SCHIP1: variants seen among roughly 807,000 people sequenced by gnomAD.
SCHIP1 encodes schwannomin interacting protein 1.
In SCHIP1, 8 loss-of-function variants were observed where a neutral mutation model predicts 29.7. The observed-to-expected ratio is 0.27, with a 90% CI of 0.16 to 0.49. The LOEUF is 0.49. Ranked by LOEUF, SCHIP1 falls within the 20% of genes least tolerant of loss-of-function variation. The probability of loss-of-function intolerance (pLI) is 0.99; values close to 1 mark genes in which losing one functional copy is unlikely to be tolerated. For missense variants in SCHIP1, 193 were observed against 294.6 expected, an observed-to-expected ratio of 0.66 and a Z score of 2.52; for synonymous variants, 76 against 94.9, an observed-to-expected ratio of 0.80 and a Z score of 1.16.
At chr3:159,772,269 G>A in the SCHIP1 span, among the ~76,000 whole-genome samples, 1 of 152,138 alleles carries the variant, frequency 6.6e-6, no homozygotes, top group Admixed American at 6.5e-5. Flanking sequence ...TCATGCCTCA[G>A]CCTCCGGAGT....
chr3:159,735,730 T>C, the SCHIP1 span, among the ~76,000 whole-genome samples: 2 of 152,252 alleles, frequency 1.3e-5, no homozygotes, highest in African/African-American at 4.8e-5. Flanking sequence ...AACAGAAATA[T>C]TCCACTGGAA....
At chr3:159,857,794 A>G (rs1444079954) in intron 1 of SCHIP1, among the ~76,000 whole-genome samples, 1 of 152,078 alleles carries the variant, frequency 6.6e-6, no homozygotes, top group Admixed American at 6.5e-5. Context: ...AGCACTTTCT[A>G]TATAGTATTT....
the SCHIP1 span, among the ~76,000 whole-genome samples, chr3:159,488,972 GTCTT>G: frequency 6.6e-6 from 1 of 152,114 alleles, no homozygotes; most frequent in Non-Finnish European, 1.5e-5. Flanking sequence ...TTTCTCTAGG[GTCTT>G]TTTTTAGTAC....
chr3:159,473,674 G>GAAAAACAAAA, the SCHIP1 span, among the ~76,000 whole-genome samples: 1 of 81,446 alleles, frequency 1.2e-5, no homozygotes, highest in Non-Finnish European at 2.4e-5. Flanking sequence ...ATGTAACTAC[G>GAAAAACAAAA]AAAAAAAAAA....
the SCHIP1 span, among the ~76,000 whole-genome samples, chr3:159,426,706 C>A: frequency 6.6e-6 from 1 of 152,142 alleles, no homozygotes; most frequent in Non-Finnish European, 1.5e-5. Flanking sequence ...CATCCTGATA[C>A]CAAAGCTGGG....
At chr3:159,423,138 C>T in the SCHIP1 span, among the ~76,000 whole-genome samples, 2,757 of 152,264 alleles carry the variant, frequency 0.018, 65 homozygotes, top group African/African-American at 0.059. Context: ...AGGCAGAAGA[C>T]GGGTGATTTC....
the SCHIP1 span, among the ~76,000 whole-genome samples, chr3:159,307,172 A>T: frequency 6.6e-6 from 1 of 152,236 alleles, no homozygotes; most frequent in Non-Finnish European, 1.5e-5. Flanking sequence ...ATTTACCAAG[A>T]TGAAAAAATT....
chr3:159,756,118 G>A, the SCHIP1 span, among the ~76,000 whole-genome samples: 622 of 152,362 alleles, frequency 4.1e-3, 5 homozygotes, highest in African/African-American at 0.014. Flanking sequence ...CTACTAGACA[G>A]TACCTCAGTA....
At chr3:159,446,386 A>G in the SCHIP1 span, among the ~76,000 whole-genome samples, 2 of 152,058 alleles carry the variant, frequency 1.3e-5, no homozygotes, top group African/African-American at 4.8e-5. Context: ...TTACAACAAT[A>G]CAATATTGTT....
the SCHIP1 span, among the ~76,000 whole-genome samples, chr3:159,795,140 C>T: frequency 1.3e-5 from 2 of 152,182 alleles, no homozygotes; most frequent in South Asian, 4.1e-4. Context: ...CCTTAGCCCT[C>T]CCTGTTTCTG....
chr3:159,660,306 A>T, the SCHIP1 span, among the ~76,000 whole-genome samples: 1 of 152,172 alleles, frequency 6.6e-6, no homozygotes, highest in East Asian at 1.9e-4. Flanking sequence ...ATAAAAGCCA[A>T]TAGAGCTACC....
the SCHIP1 span, among the ~76,000 whole-genome samples, chr3:159,382,569 G>A: frequency 4.6e-5 from 7 of 152,210 alleles, no homozygotes; most frequent in East Asian, 1.9e-4. Flanking sequence ...ATAAACATAC[G>A]TGTGCATGTG....
the SCHIP1 span, among the ~76,000 whole-genome samples, chr3:159,489,113 G>GA: frequency 6.6e-6 from 1 of 152,180 alleles, no homozygotes; most frequent in Non-Finnish European, 1.5e-5. Flanking sequence ...TAAGTGATAA[G>GA]AAAGTCCTTT....
At chr3:159,277,228 A>G in the SCHIP1 span, among the ~76,000 whole-genome samples, 1 of 152,070 alleles carries the variant, frequency 6.6e-6, no homozygotes, top group African/African-American at 2.4e-5. Flanking sequence ...GTAGAATACA[A>G]TGTTGGTATA....
At chr3:159,520,412 T>G in the SCHIP1 span, among the ~76,000 whole-genome samples, 2 of 152,142 alleles carry the variant, frequency 1.3e-5, no homozygotes, top group African/African-American at 4.8e-5. Flanking sequence ...TACAGGACCC[T>G]ACAAAGCAAG....
chr3:159,481,116 A>G, the SCHIP1 span, among the ~76,000 whole-genome samples: 10 of 152,122 alleles, frequency 6.6e-5, no homozygotes, highest in Non-Finnish European at 1.5e-4. Flanking sequence ...CAGTTACTTC[A>G]GGCCATCTGG....
chr3:159,399,546 TG>T, the SCHIP1 span, among the ~76,000 whole-genome samples: 25 of 152,310 alleles, frequency 1.6e-4, 1 homozygote, highest in South Asian at 4.8e-3. Context: ...ATTGACTTAC[TG>T]AAGCACCAGA....
the SCHIP1 span, among the ~76,000 whole-genome samples, chr3:159,809,925 C>T: frequency 6.6e-6 from 1 of 152,176 alleles, no homozygotes; most frequent in African/African-American, 2.4e-5. Flanking sequence ...GCCCAGGAGG[C>T]ATAGGTTGCA....
chr3:159,482,132 T>G, the SCHIP1 span, among the ~76,000 whole-genome samples: 3 of 152,170 alleles, frequency 2.0e-5, no homozygotes, highest in African/African-American at 7.2e-5. Context: ...TATCACGTAT[T>G]TCATCTTGAT....
Sources: gnomAD v4.1 joint callset for allele counts (sites outside exome capture counted in the v4.1 genomes callset) on GRCh38, gnomAD v4.1.1 for gene constraint, MANE v1.5 for transcripts, NCBI Gene and HGNC (gene_info 2026-07-23, HGNC 2026-07-21) for gene names.